Variants in PRR16 observed in about 807,000 individuals in gnomAD.
PRR16 encodes proline rich 16, also known as protein Largen.
Under a neutral mutation model 18.2 loss-of-function variants are expected in PRR16, and 6 were observed. That is an observed-to-expected ratio of 0.33 (90% CI 0.18 to 0.65). PRR16 has a LOEUF of 0.65. Ranked by LOEUF, PRR16 falls within the 30% of genes least tolerant of loss-of-function variation. The pLI is 0.74. For missense variants in PRR16, 412 were observed against 376.6 expected (o/e 1.09, Z -0.78); for synonymous variants, 151 against 147.8 (o/e 1.02, Z -0.16).
At chr5:120,546,526 A>G (rs186056201) in intron 1 of PRR16, among the ~76,000 whole-genome samples, 2 of 152,186 alleles carry the variant, frequency 1.3e-5, no homozygotes, top group African/African-American at 2.4e-5. Flanking sequence ...GATTTGGTCA[A>G]TTGATTGCTA....
intron 1 of PRR16, among the ~76,000 whole-genome samples, chr5:120,581,276 C>T (rs1753263212): frequency 6.6e-6 from 1 of 152,096 alleles, no homozygotes; most frequent in African/African-American, 2.4e-5. Flanking sequence ...AGGAATTTAT[C>T]CATTTCTTCT....
At chr5:120,525,258 CTT>C (rs1751311509) in intron 1 of PRR16, among the ~76,000 whole-genome samples, 1 of 152,064 alleles carries the variant, frequency 6.6e-6, no homozygotes, top group South Asian at 2.1e-4. Flanking sequence ...TCACCAGACT[CTT>C]TTCAAATTCT....
chr5:120,791,282 T>C, the PRR16 span, among the ~76,000 whole-genome samples: 3 of 152,148 alleles, frequency 2.0e-5, no homozygotes, highest in African/African-American at 7.2e-5. Context: ...ATATTTCAAG[T>C]ATTTTTGTAG....
chr5:120,601,012 T>C (rs1463414514), intron 1 of PRR16, among the ~76,000 whole-genome samples: 1 of 152,076 alleles, frequency 6.6e-6, no homozygotes, highest in African/African-American at 2.4e-5. Context: ...TTTTCTATTG[T>C]GAATAGAGCT....
At chr5:120,781,314 TAGA>T in the PRR16 span, 1 of 152,076 alleles carries the variant, frequency 6.6e-6, no homozygotes, top group Non-Finnish European at 1.5e-5. Context: ...GTATGTGACA[TAGA>T]AGCATTTATA....
chr5:120,660,946 AG>A (rs1324691666), intron 1 of PRR16, among the ~76,000 whole-genome samples: 2 of 152,090 alleles, frequency 1.3e-5, no homozygotes, highest in African/African-American at 2.4e-5. Context: ...TTGTTTTTAA[AG>A]AAATGTTTGA....
At chr5:120,656,549 A>G (rs1329951838) in intron 1 of PRR16, among the ~76,000 whole-genome samples, 1 of 151,844 alleles carries the variant, frequency 6.6e-6, no homozygotes, top group East Asian at 1.9e-4. Context: ...GTATGATGCC[A>G]ATATCTAAAA....
chr5:120,594,099 G>A (rs1173568272), intron 1 of PRR16, among the ~76,000 whole-genome samples: 1 of 152,098 alleles, frequency 6.6e-6, no homozygotes, highest in East Asian at 1.9e-4. Flanking sequence ...CACAAGATAA[G>A]GATGCCCTCT....
the PRR16 span, among the ~76,000 whole-genome samples, chr5:120,761,199 C>T: frequency 3.3e-5 from 5 of 152,016 alleles, no homozygotes; most frequent in African/African-American, 4.8e-5. Context: ...AATCTCTATG[C>T]ATGGTTCCCT....
At chr5:120,659,726 C>G (rs1756110282) in intron 1 of PRR16, among the ~76,000 whole-genome samples, 1 of 151,818 alleles carries the variant, frequency 6.6e-6, no homozygotes, top group African/African-American at 2.4e-5. Flanking sequence ...TATCTTGTCT[C>G]TTGTATTTAT....
At chr5:120,665,536 T>C (rs181284570) in intron 1 of PRR16, among the ~76,000 whole-genome samples, 47,026 of 151,642 alleles carry the variant, frequency 0.31, 7,685 homozygotes, top group Middle Eastern at 0.44. Context: ...CTTGCCCATG[T>C]CTATGTCCTG....
downstream of PRR16, among the ~76,000 whole-genome samples, chr5:120,689,962 A>C (rs993907457): frequency 1.3e-5 from 2 of 152,174 alleles, no homozygotes; most frequent in African/African-American, 4.8e-5. Context: ...ATACAAGGGC[A>C]TACAAAAACA....
chr5:120,766,742 C>T, the PRR16 span, among the ~76,000 whole-genome samples: 40,027 of 151,728 alleles, frequency 0.26, 5,612 homozygotes, highest in Non-Finnish European at 0.3. Flanking sequence ...TGATTATAAA[C>T]ATTTGATAAA....
chr5:120,583,781 C>G (rs939139557), intron 1 of PRR16, among the ~76,000 whole-genome samples: 3 of 152,152 alleles, frequency 2.0e-5, no homozygotes, highest in African/African-American at 4.8e-5. Flanking sequence ...AGGATATTCA[C>G]TAGTTGTCTG....
downstream of PRR16, among the ~76,000 whole-genome samples, chr5:120,691,897 T>G (rs2150159042): frequency 6.6e-6 from 1 of 152,322 alleles, no homozygotes; most frequent in African/African-American, 2.4e-5. Context: ...TTTACGTGAA[T>G]ATAAAACATC....
intron 1 of PRR16, among the ~76,000 whole-genome samples, chr5:120,604,676 G>C (rs1351279252): frequency 6.6e-6 from 1 of 151,970 alleles, no homozygotes; most frequent in Non-Finnish European, 1.5e-5. Context: ...TTTTTGTGGT[G>C]GAAGTTTCTG....
At chr5:120,529,837 C>G (rs1265892667) in intron 1 of PRR16, among the ~76,000 whole-genome samples, 1 of 151,832 alleles carries the variant, frequency 6.6e-6, no homozygotes, top group Non-Finnish European at 1.5e-5. Context: ...TGGTAACTTA[C>G]CATATTTCAA....
At chr5:120,540,300 T>C (rs2112681418) in intron 1 of PRR16, among the ~76,000 whole-genome samples, 1 of 151,792 alleles carries the variant, frequency 6.6e-6, no homozygotes. Flanking sequence ...AGCAGCTAGA[T>C]TGTATGTTTT....
intron 1 of PRR16, among the ~76,000 whole-genome samples, chr5:120,490,774 C>A (rs185709056): frequency 1.3e-5 from 2 of 152,052 alleles, no homozygotes; most frequent in African/African-American, 2.4e-5. Context: ...TTTTCCCCAT[C>A]TTTGTGCTTT....
Sources: gnomAD v4.1 joint callset for allele counts (sites outside exome capture counted in the v4.1 genomes callset) on GRCh38, gnomAD v4.1.1 for gene constraint, MANE v1.5 for transcripts, NCBI Gene and HGNC (gene_info 2026-07-23, HGNC 2026-07-21) for gene names.